Variants in SMIM45 observed in about 807,000 individuals in gnomAD.
SMIM45 encodes the protein long intergenic non-protein coding RNA 634.
chr22:41,957,413 A>T, the SMIM45 span, among the ~76,000 whole-genome samples: 1 of 147,542 alleles, frequency 6.8e-6, no homozygotes, highest in African/African-American at 2.5e-5. Context: ...CATGTTAGCC[A>T]GGATGGTCTT....
the SMIM45 span, among the ~76,000 whole-genome samples, chr22:41,955,371 G>A: frequency 1.3e-5 from 2 of 151,988 alleles, no homozygotes; most frequent in East Asian, 2.0e-4. Flanking sequence ...TAGAGACAGG[G>A]TTTCACCATG....
the SMIM45 span, among the ~76,000 whole-genome samples, chr22:41,953,188 G>A: frequency 1.3e-5 from 2 of 152,172 alleles, no homozygotes; most frequent in Admixed American, 6.5e-5. Context: ...GAGGGGCTCC[G>A]GATGGATGCA....
At chr22:41,958,246 G>T in the SMIM45 span, 1 of 454,450 alleles carries the variant, frequency 2.2e-6, no homozygotes, top group South Asian at 1.6e-5. Flanking sequence ...CTGAGGCTCC[G>T]GAGCCCTCAT....
At chr22:41,950,979 G>A in the SMIM45 span, among the ~76,000 whole-genome samples, 2 of 152,198 alleles carry the variant, frequency 1.3e-5, no homozygotes, top group African/African-American at 2.4e-5. Flanking sequence ...CGAACACAGC[G>A]AGACTCCGTC....
chr22:41,951,923 C>T, the SMIM45 span, among the ~76,000 whole-genome samples: 2 of 152,244 alleles, frequency 1.3e-5, no homozygotes, highest in African/African-American at 2.4e-5. Flanking sequence ...TCTCTAGGCC[C>T]ACCAGGCTTG....
chr22:41,951,083 C>T, the SMIM45 span, among the ~76,000 whole-genome samples: 9 of 152,264 alleles, frequency 5.9e-5, no homozygotes, highest in Non-Finnish European at 1.0e-4. Flanking sequence ...CCCTAGATGG[C>T]GCAGAGGTGT....
At chr22:41,957,780 C>G in the SMIM45 span, 1 of 154,028 alleles carries the variant, frequency 6.5e-6, no homozygotes, top group East Asian at 1.9e-4. Flanking sequence ...TACTTCGAGC[C>G]GGGCCTGCAG....
chr22:41,955,192 T>TC, the SMIM45 span, among the ~76,000 whole-genome samples: 1 of 151,904 alleles, frequency 6.6e-6, no homozygotes, highest in African/African-American at 2.4e-5. Context: ...TAATTTTTTT[T>TC]TTTTTGAGAC....
At chr22:41,948,381 A>G in the SMIM45 span, among the ~76,000 whole-genome samples, 2 of 152,124 alleles carry the variant, frequency 1.3e-5, no homozygotes, top group Non-Finnish European at 2.9e-5. Flanking sequence ...ACTTAGTTTG[A>G]TGGGGGTGGG....
the SMIM45 span, among the ~76,000 whole-genome samples, chr22:41,957,305 T>G: frequency 9.5e-5 from 14 of 147,000 alleles, no homozygotes; most frequent in Admixed American, 3.5e-4. Flanking sequence ...GACATTCTCC[T>G]GCGTCAGCCT....
the SMIM45 span, among the ~76,000 whole-genome samples, chr22:41,949,098 G>T: frequency 6.6e-6 from 1 of 151,826 alleles, no homozygotes; most frequent in Admixed American, 6.6e-5. Context: ...AATTAGCCAG[G>T]TATGGTGGCG....
the SMIM45 span, among the ~76,000 whole-genome samples, chr22:41,947,463 GT>G: frequency 6.6e-6 from 1 of 151,108 alleles, no homozygotes; most frequent in South Asian, 2.1e-4. Flanking sequence ...TGCCTCCCGA[GT>G]TTAAGCGATT....
the SMIM45 span, among the ~76,000 whole-genome samples, chr22:41,951,876 C>T: frequency 6.6e-6 from 1 of 152,188 alleles, no homozygotes; most frequent in African/African-American, 2.4e-5. Context: ...AAATGGCAGA[C>T]CATCAAACCT....
the SMIM45 span, chr22:41,958,495 A>AGAGAGAGG: frequency 5.2e-4 from 214 of 409,116 alleles, 2 homozygotes; most frequent in African/African-American, 4.0e-3. Flanking sequence ...AGAGAGAGAG[A>AGAGAGAGG]GAGAGAGAGA....
the SMIM45 span, among the ~76,000 whole-genome samples, chr22:41,956,258 G>T: frequency 6.6e-6 from 1 of 152,166 alleles, no homozygotes; most frequent in Admixed American, 6.5e-5. Context: ...CAATCCACCC[G>T]CTTTGGCCTC....
At chr22:41,947,144 C>T in the SMIM45 span, 3 of 1,520,054 alleles carry the variant, frequency 2.0e-6, no homozygotes, top group Non-Finnish European at 2.7e-6. Flanking sequence ...TGAGTCCAGC[C>T]CCTAGAGCGC....
chr22:41,955,305 G>C, the SMIM45 span, among the ~76,000 whole-genome samples: 1 of 151,442 alleles, frequency 6.6e-6, no homozygotes, highest in Non-Finnish European at 1.5e-5. Flanking sequence ...TCAGCCTGCC[G>C]AGTAGTTGGG....
chr22:41,955,633 C>T, the SMIM45 span, among the ~76,000 whole-genome samples: 1 of 151,290 alleles, frequency 6.6e-6, no homozygotes, highest in African/African-American at 2.5e-5. Context: ...GGTGAAACCC[C>T]GTCTCTACTA....
chr22:41,949,303 G>A, the SMIM45 span, among the ~76,000 whole-genome samples: 1 of 152,036 alleles, frequency 6.6e-6, no homozygotes, highest in Admixed American at 6.6e-5. Flanking sequence ...GATGGGAGGA[G>A]GCTACTTTAG....
Sources: gnomAD v4.1 joint callset for allele counts (sites outside exome capture counted in the v4.1 genomes callset) on GRCh38, gnomAD v4.1.1 for gene constraint, MANE v1.5 for transcripts, NCBI Gene and HGNC (gene_info 2026-07-23, HGNC 2026-07-21) for gene names.